WDPCP: variants seen among roughly 807,000 people sequenced by gnomAD.
WDPCP encodes WD repeat containing planar cell polarity effector.
WDPCP carries 71 observed loss-of-function variants against 93.1 expected under a neutral mutation model. The ratio of observed to expected loss-of-function variants is 0.76; its 90% CI spans 0.63 to 0.93. The LOEUF is 0.93. Ranked by LOEUF, WDPCP falls within the 40% of genes least tolerant of loss-of-function variation. WDPCP has a pLI of 0.00. For synonymous variants in WDPCP, 315 were observed against 315.0 expected, an observed-to-expected ratio of 1.00 and a Z score of 0.00; for missense variants, 844 against 887.4, an observed-to-expected ratio of 0.95 and a Z score of 0.62.
chr2:63,322,240 TCTCTGTAAAATGGACCAATCAGCA>T lies in WDPCP; in HGVS notation c.1749-8953_1749-8930del, dbSNP rs1287612373. Among the ~76,000 whole-genome samples the T allele has an allele frequency of 6.0e-4, 91 of 152,212 alleles. 1 individual carries two copies. The South Asian group carries it at 0.017, about 29-fold the overall frequency. On this transcript the variant is annotated intron_variant, in intron 12 of 17. Coordinates refer to ENST00000272321, the MANE Select transcript of WDPCP (RefSeq NM_015910.7). Reference sequence around the variant, plus strand: ...ACTCTGTCAAAATGGACCAATCAGCTCTCTGTAAAATGGACCAATCAGCACTCTGTAAAATGGACCAATCAGCAG... The same window carrying T: ...ACTCTGTCAAAATGGACCAATCAGCTCTCTGTAAAATGGACCAATCAGCAG...
intron 13 of WDPCP, among the ~76,000 whole-genome samples, chr2:63,289,628 GA>G (rs1684253297): frequency 6.6e-6 from 1 of 151,990 alleles, no homozygotes. Context: ...GATTTGAAAA[GA>G]ATGTGTATTC....
intron 2 of WDPCP, among the ~76,000 whole-genome samples, chr2:63,686,460 GAT>G (rs1668805342): frequency 6.6e-6 from 1 of 152,052 alleles, no homozygotes; most frequent in South Asian, 2.1e-4. Flanking sequence ...AAAATGGAAA[GAT>G]ATCTCATGTT....
chr2:63,217,476 T>C (rs1347693645), intron 14 of WDPCP, among the ~76,000 whole-genome samples: 1 of 152,174 alleles, frequency 6.6e-6, no homozygotes, highest in Non-Finnish European at 1.5e-5. Context: ...TCCTTGACCT[T>C]AGTATTATTT....
chr2:63,395,931 G>A (rs1471485314), intron 10 of WDPCP, among the ~76,000 whole-genome samples: 2 of 152,076 alleles, frequency 1.3e-5, no homozygotes, highest in Admixed American at 1.3e-4. Flanking sequence ...GTTTCACCAT[G>A]TTGGTCAGGC....
intron 17 of WDPCP, among the ~76,000 whole-genome samples, chr2:63,128,621 C>T (rs919017633): frequency 1.3e-5 from 2 of 152,196 alleles, no homozygotes; most frequent in South Asian, 2.1e-4. Flanking sequence ...ATTCTGTACT[C>T]AATAAATAAC....
intron 2 of WDPCP, chr2:63,752,689 A>T (rs965871261): frequency 9.1e-5 from 36 of 396,826 alleles, no homozygotes; most frequent in African/African-American, 6.9e-4. Flanking sequence ...GGCAGAAAGA[A>T]GTAAGTTAAT....
intron 1 of WDPCP, among the ~76,000 whole-genome samples, chr2:63,536,225 G>A (rs1443253193): frequency 3.3e-5 from 5 of 152,190 alleles, no homozygotes; most frequent in Non-Finnish European, 7.3e-5. Context: ...AGGTCTTGGA[G>A]AGGCTGTGGA....
At chr2:63,161,554 A>G (rs1672645376) in intron 15 of WDPCP, among the ~76,000 whole-genome samples, 1 of 152,226 alleles carries the variant, frequency 6.6e-6, no homozygotes, top group Non-Finnish European at 1.5e-5. Flanking sequence ...ACAAAGCTGC[A>G]GGAGGTCCAT....
chr2:63,322,038 G>C (rs1025070269), intron 12 of WDPCP, among the ~76,000 whole-genome samples: 6 of 152,258 alleles, frequency 3.9e-5, no homozygotes, highest in East Asian at 1.9e-4. Context: ...TTCTGGGTTG[G>C]GTGGGGACTT....
chr2:63,721,963 G>A (rs1021765909), intron 2 of WDPCP, among the ~76,000 whole-genome samples: 1 of 152,106 alleles, frequency 6.6e-6, no homozygotes, highest in Non-Finnish European at 1.5e-5. Context: ...GCCCCTAACC[G>A]CAAGTGATCC....
intron 13 of WDPCP, among the ~76,000 whole-genome samples, chr2:63,300,393 C>G (rs1234881869): frequency 1.3e-5 from 2 of 152,156 alleles, no homozygotes; most frequent in Admixed American, 6.5e-5. Context: ...TCCTTTCCTT[C>G]TGAGGCTCTC....
chr2:63,229,361 A>C (rs1678612847), intron 14 of WDPCP: 1 of 152,010 alleles, frequency 6.6e-6, no homozygotes, highest in African/African-American at 2.4e-5. Flanking sequence ...AGGTTGCAAA[A>C]ATTTTCTCCC....
At chr2:63,264,322 A>G (rs1010020456) in intron 13 of WDPCP, among the ~76,000 whole-genome samples, 4 of 152,220 alleles carry the variant, frequency 2.6e-5, no homozygotes, top group Non-Finnish European at 5.9e-5. Flanking sequence ...GGAGATAGCT[A>G]TACTTCCATC....
chr2:63,823,942 G>C (rs1671069312), intron 1 of WDPCP, among the ~76,000 whole-genome samples: 1 of 152,118 alleles, frequency 6.6e-6, no homozygotes, highest in African/African-American at 2.4e-5. Context: ...GGGAGGCTAA[G>C]GCAGGAGGGT....
chr2:63,280,704 AGCAAACAAATAC>A (rs1044440289), intron 13 of WDPCP, among the ~76,000 whole-genome samples: 1 of 152,240 alleles, frequency 6.6e-6, no homozygotes, highest in African/African-American at 2.4e-5. Flanking sequence ...TCTTCAACAA[AGCAAACAAATAC>A]ATAAAGTGAG....
intron 6 of WDPCP, among the ~76,000 whole-genome samples, chr2:63,452,501 A>G (rs1459056959): frequency 6.6e-6 from 1 of 152,240 alleles, no homozygotes; most frequent in African/African-American, 2.4e-5. Context: ...CAATATCGTG[A>G]AAATGGCCAT....
intron 3 of WDPCP, among the ~76,000 whole-genome samples, chr2:63,618,686 T>C (rs1709698951): frequency 6.8e-6 from 1 of 147,668 alleles, no homozygotes; most frequent in South Asian, 2.1e-4. Flanking sequence ...AGTGGGATAG[T>C]AATTTTTTTT....
chr2:63,528,743 C>T (rs955923914), intron 1 of WDPCP, among the ~76,000 whole-genome samples: 81 of 152,260 alleles, frequency 5.3e-4, no homozygotes, highest in East Asian at 2.7e-3. Context: ...TTTTCCAATT[C>T]TGTGAAGAAA....
In WDPCP at chr2:63,435,088, T is replaced by A. The variant is rs570424863; in HGVS notation, c.634-1152A>T. On this transcript the variant is annotated intron_variant, in intron 8 of 17. Transcript: ENST00000272321. ...GACCTCTTCATCCTCTGAATGCACA[T>A]CAAAAGGAACTGAAATCAAAGTAAT... 3.3e-5 allele frequency among the ~76,000 whole-genome samples: 5 copies of A among 152,256 alleles called. No individual in the cohort carries two copies. The East Asian group carries it at 9.6e-4, about 29-fold the overall frequency.
Sources: gnomAD v4.1 joint callset for allele counts (sites outside exome capture counted in the v4.1 genomes callset) on GRCh38, gnomAD v4.1.1 for gene constraint, MANE v1.5 for transcripts, NCBI Gene and HGNC (gene_info 2026-07-23, HGNC 2026-07-21) for gene names.